SLC18A1: variants seen among roughly 807,000 people sequenced by gnomAD.
The protein encoded by SLC18A1 is solute carrier family 18 member A1.
Under a neutral mutation model 53.7 loss-of-function variants are expected in SLC18A1, and 69 were observed. The ratio of observed to expected loss-of-function variants is 1.28; its 90% CI spans 1.06 to 1.57. The LOEUF (loss-of-function observed/expected upper bound fraction) is 1.57, where lower values mean the gene tolerates loss of function less well. SLC18A1 is among the 40% of genes most tolerant of loss of function. The pLI, the probability that SLC18A1 is intolerant of heterozygous loss-of-function variation, is 0.00. For missense variants in SLC18A1, 932 were observed against 668.1 expected (o/e 1.40, Z -4.35); for synonymous variants, 320 against 248.1 (o/e 1.29, Z -2.72).
At chr8:20,174,484 T>C (rs1159385229) in intron 4 of SLC18A1, 40 bp from the exon 5 acceptor site, 10 of 1,421,840 alleles carry the variant, frequency 7.0e-6, no homozygotes, top group Middle Eastern at 1.7e-4. Context: ...AGTTAGCAAA[T>C]TGCCTTTGCT....
chr8:20,180,778 G>T (rs563423765), intron 2 of SLC18A1, 63 bp downstream of exon 2: 3 of 1,595,392 alleles, frequency 1.9e-6, no homozygotes, highest in Non-Finnish European at 1.7e-6. Context: ...CTCAAGCAGG[G>T]TGTACACTGC....
chr8:20,150,361 T>C (rs1362420084), intron 11 of SLC18A1, among the ~76,000 whole-genome samples: 1 of 152,190 alleles, frequency 6.6e-6, no homozygotes. Flanking sequence ...GCATTTTTCA[T>C]AGCTGTTCTC....
chr8:20,171,943 CG>C (rs1447401043), intron 6 of SLC18A1, among the ~76,000 whole-genome samples: 2 of 152,126 alleles, frequency 1.3e-5, no homozygotes, highest in African/African-American at 4.8e-5. Flanking sequence ...AAGAAGAAAG[CG>C]GGTGTTAGCA....
rs189459461 is a variant in SLC18A1 at position 20,158,245 on chromosome 8, T to C, written c.1015+6624A>G. ...ACTGTCCTCCAGATCTGTCACTATC[T>C]GAGAGGTCCTAGGACAGGCAGTCAC... On this transcript the variant is annotated intron_variant, in intron 10 of 15. Coordinates refer to ENST00000276373, the MANE Select transcript of SLC18A1 (RefSeq NM_003053.4). 1.7e-3 allele frequency among the ~76,000 whole-genome samples: 264 copies of C among 152,302 alleles called. 1 individual carries two copies. The highest frequency in any genetic ancestry group is 5.9e-3 in the African/African-American group (244 of 41,568).
chr8:20,181,815 A>G (rs1470762956), intron 1 of SLC18A1: 1 of 152,054 alleles, frequency 6.6e-6, no homozygotes, highest in African/African-American at 2.4e-5. Flanking sequence ...TTGCACAGTT[A>G]GTGTCAAACT....
At position 20,147,308 on chromosome 8, in the gene SLC18A1, C is replaced by T. The variant is rs779502955; in HGVS notation, c.1414G>A (p.Ala472Thr). ...VITGVINIVY[A>T]PLCYYLRSPP... ...CTCCGCAGGTAGTAGCAGAGTGGAG[C>T]ATAGACGATGTTGATGACCCCAGTG... The change falls in exon 15 of 16, where the codon GCT becomes ACT. Residue 472 changes from alanine (A) to threonine (T), a missense_variant. Coordinates refer to ENST00000276373, the MANE Select transcript of SLC18A1 (RefSeq NM_003053.4). The T allele has an allele frequency of 6.2e-7, 1 of 1,613,642 alleles. No homozygotes were observed. The highest frequency in any genetic ancestry group is 8.5e-7 in the Non-Finnish European group (1 of 1,179,894).
Position 20,179,499 on chromosome 8 carries a change from G to C in SLC18A1, c.125-15C>G. 6.3e-7 allele frequency: 1 copy of C among 1,597,992 alleles called. No individual in the cohort carries two copies. The highest frequency in any genetic ancestry group is 8.5e-7 in the Non-Finnish European group (1 of 1,170,888). The stretch of plus-strand genomic sequence containing the variant: ...CACAATTGGCACTGAAAGTCAAAGA[G>C]GACAGGTGATGGGGGCTAAGGACCG... On this transcript the variant is annotated splice_polypyrimidine_tract_variant and intron_variant, in intron 2 of 15. Transcript: ENST00000276373.
intron 13 of SLC18A1, 87 bp downstream of exon 13, chr8:20,147,920 T>C: frequency 6.7e-7 from 1 of 1,497,194 alleles, no homozygotes; most frequent in Non-Finnish European, 9.2e-7. Context: ...TGCACCTACC[T>C]CCTCTGATGA....
At chr8:20,159,776 C>T (rs1364813206) in intron 10 of SLC18A1, among the ~76,000 whole-genome samples, 3 of 151,922 alleles carry the variant, frequency 2.0e-5, no homozygotes, top group Admixed American at 6.6e-5. Flanking sequence ...CATTTTGCAT[C>T]GTGCCTGTCG....
intron 15 of SLC18A1, among the ~76,000 whole-genome samples, chr8:20,146,226 A>T (rs976102934): frequency 2.0e-5 from 3 of 152,142 alleles, no homozygotes; most frequent in Non-Finnish European, 4.4e-5. Flanking sequence ...ACCACCGCAC[A>T]TCTTTTTTTT....
chr8:20,160,840 C>G (rs1027837325), intron 10 of SLC18A1, among the ~76,000 whole-genome samples: 17 of 151,942 alleles, frequency 1.1e-4, no homozygotes, highest in African/African-American at 4.1e-4. Context: ...CTTGTTGGGT[C>G]ATAATACAGC....
chr8:20,168,641 T>A (rs1042895566), intron 8 of SLC18A1, among the ~76,000 whole-genome samples: 1 of 152,104 alleles, frequency 6.6e-6, no homozygotes, highest in African/African-American at 2.4e-5. Context: ...GTGCAGTGGC[T>A]TACTGCAACC....
At chr8:20,150,609 C>T (rs372932016) in intron 11 of SLC18A1, 57 bp downstream of exon 11, 317 of 1,410,166 alleles carry the variant, frequency 2.2e-4, no homozygotes, top group South Asian at 2.9e-4. Flanking sequence ...AGATCAGGAA[C>T]GGGCGCTCTT....
chr8:20,149,705 T>G lies in SLC18A1; in HGVS notation c.1117A>C (p.Met373Leu). The G allele has an allele frequency of 6.2e-7, 1 of 1,612,298 alleles. No homozygotes were observed. Among genetic ancestry groups the G allele is most frequent in the East Asian group, 2.2e-5 (1 of 44,672 alleles). Reference protein sequence around the residue: ...MGRWLCSLIGMLVVGTSLLCV... With the variant: ...MGRWLCSLIGLLVVGTSLLCV... ...AGCAAGCTGGTACCTACTACCAGCA[T>G]CCCGATTAGGGAACACAGCCACCTG... The change falls in exon 12 of 16, where the codon ATG becomes CTG. Residue 373 changes from methionine (M) to leucine (L), a missense_variant. Physicochemically the swap from Met to Leu is conservative, Grantham distance 15 (BLOSUM62 2). Transcript: ENST00000276373.
intron 10 of SLC18A1, among the ~76,000 whole-genome samples, chr8:20,156,862 T>A (rs1563735443): frequency 2.0e-5 from 3 of 152,234 alleles, no homozygotes; most frequent in Admixed American, 6.5e-5. Context: ...TGAATTTGCA[T>A]AAGAATTGTT....
At chr8:20,150,527 C>T (rs1375086118) in intron 11 of SLC18A1, 139 bp downstream of exon 11, 4 of 761,734 alleles carry the variant, frequency 5.3e-6, no homozygotes, top group Non-Finnish European at 9.4e-6. Flanking sequence ...TGCCCATCCT[C>T]CCAGTGGGAA....
In SLC18A1 at chr8:20,179,194, C is replaced by T. The variant is rs760091440; in HGVS notation, c.415G>A (p.Val139Ile). ...GCCTTTGAAGCAAACAGAACCCCGA[C>T]CCGGGTAATCTCTTCCTCCAAGAAA... The part of the protein sequence containing the change: ...TGFLEEEITR[V>I]GVLFASKAVM... Residue 139 changes from valine (V) to isoleucine (I), a missense_variant, in exon 3 of 16, where the codon GTC becomes ATC. Transcript: ENST00000276373. The T allele has an allele frequency of 3.1e-6, 5 of 1,614,042 alleles. No individual in the cohort carries two copies. In the African/African-American group the frequency reaches 6.7e-5, roughly 22 times the overall value.
In SLC18A1 at chr8:20,171,485, G is replaced by T. The variant is rs1334846206; in HGVS notation, c.734C>A (p.Pro245His). ...AAACTCGTACATTACACTTCCAAAG[G>T]GAGCTCCCACTGGAGAGGCATAGGA... The part of the protein sequence containing the change: ...GLALGLLVGA[P>H]FGSVMYEFVG... The change falls in exon 7 of 16, where the codon CCC (proline) becomes CAC (histidine). Residue 245 changes from proline (P) to histidine (H), a missense_variant. Transcript: ENST00000276373. The T allele has an allele frequency of 6.2e-7, 1 of 1,613,948 alleles. No individual in the cohort carries two copies. Among genetic ancestry groups the T allele is most frequent in the Non-Finnish European group, 8.5e-7 (1 of 1,179,838 alleles).
chr8:20,171,235 G>A, intron 7 of SLC18A1, 89 bp from the exon 8 acceptor site: 1 of 1,442,198 alleles, frequency 6.9e-7, no homozygotes, highest in Non-Finnish European at 9.7e-7. Context: ...ACCCTATTAT[G>A]CATAAATTTA....
Sources: allele counts gnomAD v4.1 joint callset (sites outside exome capture counted in the v4.1 genomes callset), GRCh38; gene constraint gnomAD v4.1.1; transcripts MANE v1.5; gene names NCBI Gene and HGNC (gene_info 2026-07-23, HGNC 2026-07-21).